NUP210: variants seen among roughly 807,000 people sequenced by gnomAD.
NUP210 encodes the protein nuclear pore membrane glycoprotein 210.
NUP210 carries 151 observed loss-of-function variants against 196.0 expected under a neutral mutation model. The ratio of observed to expected loss-of-function variants is 0.77; its 90% CI spans 0.67 to 0.88. NUP210 has a LOEUF of 0.88. NUP210 is among the 40% of genes least tolerant of loss of function. The pLI is 0.00. For missense variants in NUP210, 2,314 were observed against 2,493.7 expected (o/e 0.93, Z 1.53); for synonymous variants, 1,070 against 1,052.7 (o/e 1.02, Z -0.32).
In NUP210 at chr3:13,420,258, G is replaced by C. The variant is rs1700493366; in HGVS notation, c.-32C>G. 11 of 1,057,298 alleles carry C rather than the reference G, an allele frequency of 1.0e-5. No homozygotes were observed. The Admixed American group carries it at 5.5e-4, about 53-fold the overall frequency. 65.5% of individuals were successfully genotyped at this position (1,057,298 alleles called of 1,614,324 possible). On this transcript the variant is annotated 5_prime_UTR_variant, in exon 1 of 40. Coordinates refer to ENST00000254508, the MANE Select transcript of NUP210 (RefSeq NM_024923.4). The surrounding 1 kb of genome is among the most constrained non-coding windows in gnomAD (Gnocchi z 4.8). ...CGCGCGTCACCTCCCGCGACCCTGC[G>C]CCCGGCCGCCCGCGCCGCCCCGTTG...
Position 13,376,350 on chromosome 3 carries a change from T to G in NUP210, c.1234A>C (p.Arg412=). The G allele has an allele frequency of 6.2e-7, 1 of 1,614,220 alleles. No individual in the cohort carries two copies. Among genetic ancestry groups the G allele is most frequent in the Non-Finnish European group, 8.5e-7 (1 of 1,180,026 alleles). ...SSQNGSYHRI[R]ALKRGQTAID... ...GCCGTCTGTCCCCTCTTTAGTGCCC[T>G]GATGCGATGGTATGACCCATTCTGG... is the stretch of plus-strand genomic sequence containing the variant. Residue 412 remains arginine (R), a synonymous_variant, in exon 10 of 40, where the codon AGG becomes CGG. Coordinates refer to ENST00000254508, the MANE Select transcript of NUP210 (RefSeq NM_024923.4).
At chr3:13,371,677 AAC>A (rs1490810172) in intron 13 of NUP210, among the ~76,000 whole-genome samples, 155 bp downstream of exon 13, 1 of 152,226 alleles carries the variant, frequency 6.6e-6, no homozygotes, top group African/African-American at 2.4e-5. Context: ...GCCAGACAGG[AAC>A]AGACTGTGGA....
rs1448898946 is a variant in NUP210 at position 13,376,393 on chromosome 3, G to A, written c.1191C>T (p.Phe397=). 14 of 1,614,102 alleles carry A rather than the reference G, an allele frequency of 8.7e-6. No individual in the cohort carries two copies. In the Middle Eastern group the frequency reaches 9.9e-4, roughly 114 times the overall value. The change falls in exon 10 of 40, where the codon TTC becomes TTT. Residue 397 remains phenylalanine, a synonymous_variant. Transcript: ENST00000254508. ...CATTCTGGGAGGACGAGAGCACCTC[G>A]AAGAACTCAGCAGGAAGCACAGTTT... ...RIETVLPAEF[F]EVLSSSQNGS...
At position 13,353,587 on chromosome 3, in the gene NUP210, C is replaced by A; in HGVS notation, c.2595G>T (p.Glu865Asp). 6.2e-7 allele frequency: 1 copy of A among 1,614,130 alleles called. No individual in the cohort carries two copies. ...TTGTTCTGGCAGAGCTGAGGTGGGACTCCTGGTAGCCAGTGGCAGTGGCAG... is the reference window on the plus strand; with the variant it reads ...TTGTTCTGGCAGAGCTGAGGTGGGAATCCTGGTAGCCAGTGGCAGTGGCAG... The part of the protein sequence containing the change: ...AITATATGYQ[E>D]SHLSSARTKQ... Residue 865 changes from glutamate to aspartate, a missense_variant, in exon 18 of 40, where the codon GAG (glutamate) becomes GAT (aspartate). Glu to Asp is a conservative substitution (Grantham distance 45). Coordinates refer to ENST00000254508, the MANE Select transcript of NUP210 (RefSeq NM_024923.4).
intron 6 of NUP210, among the ~76,000 whole-genome samples, chr3:13,382,915 T>C (rs563969436): frequency 1.3e-5 from 2 of 151,648 alleles, no homozygotes; most frequent in South Asian, 4.2e-4. Context: ...GAAGCTGAGG[T>C]AGGAGGGATA....
At chr3:13,381,746 A>G (rs974841442) in intron 6 of NUP210, among the ~76,000 whole-genome samples, 1 of 152,156 alleles carries the variant, frequency 6.6e-6, no homozygotes, top group Non-Finnish European at 1.5e-5. Context: ...CAGGGGGTGA[A>G]CAGCTGCCCT....
intron 5 of NUP210, among the ~76,000 whole-genome samples, chr3:13,387,622 G>A (rs1273385183): frequency 6.6e-6 from 1 of 152,220 alleles, no homozygotes; most frequent in Non-Finnish European, 1.5e-5. Flanking sequence ...GTACCACAGT[G>A]TTCCTGCCTG....
At chr3:13,393,761 A>T (rs1464678594) in intron 3 of NUP210, among the ~76,000 whole-genome samples, 2 of 152,180 alleles carry the variant, frequency 1.3e-5, no homozygotes, top group African/African-American at 4.8e-5. Flanking sequence ...TTTCCACTCT[A>T]AAAGAAGCTA....
At chr3:13,337,785 C>T (rs1287786727) in intron 26 of NUP210, 52 bp downstream of exon 26, 4 of 1,520,826 alleles carry the variant, frequency 2.6e-6, no homozygotes, top group South Asian at 1.2e-5. Context: ...GGACAGGGTC[C>T]CAGCAGTGGC....
At chr3:13,387,205 A>G (rs1280697047) in intron 5 of NUP210, among the ~76,000 whole-genome samples, 1 of 152,222 alleles carries the variant, frequency 6.6e-6, no homozygotes, top group Non-Finnish European at 1.5e-5. Context: ...ATTCTCCTTT[A>G]AGCCTGCTGT....
chr3:13,382,171 G>T (rs772388739), intron 6 of NUP210, among the ~76,000 whole-genome samples: 1 of 152,130 alleles, frequency 6.6e-6, no homozygotes, highest in Non-Finnish European at 1.5e-5. Flanking sequence ...ATACTGATTC[G>T]ATCAGCCAGC....
chr3:13,342,679 A>G (rs1302698357), intron 21 of NUP210, among the ~76,000 whole-genome samples: 1 of 152,232 alleles, frequency 6.6e-6, no homozygotes, highest in Admixed American at 6.5e-5. Flanking sequence ...GCCCAGCTTC[A>G]GTCACCTCAG....
At chr3:13,388,551 G>A (rs1404074309) in intron 4 of NUP210, 98 bp from the exon 5 acceptor site, 3 of 1,268,682 alleles carry the variant, frequency 2.4e-6, no homozygotes, top group Non-Finnish European at 2.1e-6. Flanking sequence ...CTCCCACTGG[G>A]GCTGATGCTG....
intron 6 of NUP210, among the ~76,000 whole-genome samples, chr3:13,380,609 A>G (rs1699069113): frequency 6.6e-6 from 1 of 152,184 alleles, no homozygotes; most frequent in South Asian, 2.1e-4. Flanking sequence ...CCAGTCACCC[A>G]TTCACTGTCC....
chr3:13,372,450 G>A (rs1698763045), intron 12 of NUP210, among the ~76,000 whole-genome samples: 1 of 152,306 alleles, frequency 6.6e-6, no homozygotes, highest in Middle Eastern at 3.4e-3. Context: ...GGACCTCAGA[G>A]GTCCCCACCA....
At position 13,330,582 on chromosome 3, in the gene NUP210, G is replaced by C. The variant is rs1696955952; in HGVS notation, c.3988C>G (p.Pro1330Ala). The change falls in exon 30 of 40, where the codon CCA becomes GCA. Residue 1330 changes from proline (P) to alanine (A), a missense_variant. Physicochemically the swap from Pro to Ala is conservative, Grantham distance 27. Coordinates refer to ENST00000254508, the MANE Select transcript of NUP210 (RefSeq NM_024923.4). ...YRVLDGPEKV[P>A]VVHVDEKGFL... The stretch of plus-strand genomic sequence containing the variant: ...CCTTTCTCATCAACATGCACAACTG[G>C]AACCTTTTCGGGTCCATCCAGGACG... 9.3e-6 allele frequency: 15 copies of C among 1,614,192 alleles called. No individual in the cohort carries two copies. The highest frequency in any genetic ancestry group is 1.3e-5 in the Non-Finnish European group (15 of 1,180,036).
chr3:13,319,434 G>GATGT, intron 37 of NUP210, 109 bp from the exon 38 acceptor site: 1 of 920,312 alleles, frequency 1.1e-6, no homozygotes. Flanking sequence ...GTCCCTCTTA[G>GATGT]ATGTAAGGAT....
rs1157485123 is a variant in NUP210 at position 13,354,054 on chromosome 3, C to G, written c.2382G>C (p.Gln794His). Residue 794 changes from glutamine (Q) to histidine (H), a missense_variant, in exon 17 of 40, where the codon CAG (glutamine) becomes CAC (histidine). By Grantham distance (24) the Gln-to-His change is conservative (BLOSUM62 0). Transcript: ENST00000254508. ...NPRLDLAAYD[Q>H]EGRRFDNFSS... ...TGAAGTTGTCGAACCGGCGGCCCTC[C>G]TGGTCGTAAGCAGCCAGGTCCAGCC... 1.2e-6 allele frequency: 2 copies of G among 1,604,888 alleles called. No homozygotes were observed. Among genetic ancestry groups the G allele is most frequent in the Non-Finnish European group, 1.7e-6 (2 of 1,176,152 alleles).
intron 14 of NUP210, among the ~76,000 whole-genome samples, chr3:13,363,992 T>C (rs1219239918): frequency 6.6e-6 from 1 of 152,114 alleles, no homozygotes; most frequent in Non-Finnish European, 1.5e-5. Flanking sequence ...CCTGCTGTGC[T>C]CGGGGATTTC....
Sources: allele counts gnomAD v4.1 joint callset (sites outside exome capture counted in the v4.1 genomes callset), GRCh38; gene constraint gnomAD v4.1.1; non-coding constraint Gnocchi (gnomAD v3.1); transcripts MANE v1.5; gene names NCBI Gene and HGNC (gene_info 2026-07-23, HGNC 2026-07-21).